DISC1: variants seen among roughly 807,000 people sequenced by gnomAD.
DISC1 encodes DISC1 scaffold protein, also known as disrupted in schizophrenia 1 protein.
A neutral mutation model predicts 84.5 loss-of-function variants in DISC1; 57 were observed. That is an observed-to-expected ratio of 0.67 (90% CI 0.55 to 0.84). DISC1 has a LOEUF of 0.84. DISC1 is among the 40% of genes least tolerant of loss of function. DISC1 has a pLI of 0.00. For synonymous variants in DISC1, 411 were observed against 415.2 expected (o/e 0.99, Z 0.12); for missense variants, 1,000 against 1,057.8 (o/e 0.95, Z 0.76).
At chr1:232,001,671 A>G (rs1666710832) in intron 10 of DISC1, among the ~76,000 whole-genome samples, 1 of 152,208 alleles carries the variant, frequency 6.6e-6, no homozygotes, top group Non-Finnish European at 1.5e-5. Context: ...AGCTGGAGCT[A>G]TTGAACATTC....
At chr1:231,906,172 G>T (rs565058813) in intron 9 of DISC1, among the ~76,000 whole-genome samples, 1 of 151,918 alleles carries the variant, frequency 6.6e-6, no homozygotes, top group Non-Finnish European at 1.5e-5. Flanking sequence ...ACAGACATGC[G>T]TTACCACGCC....
At chr1:231,918,336 CA>C (rs2089777181) in intron 9 of DISC1, among the ~76,000 whole-genome samples, 1 of 152,200 alleles carries the variant, frequency 6.6e-6, no homozygotes, top group South Asian at 2.1e-4. Context: ...TGTGAGATTA[CA>C]GAGGATAGAC....
chr1:231,702,079 C>T (rs1393521460), intron 3 of DISC1, 55 bp downstream of exon 3: 6 of 1,568,660 alleles, frequency 3.8e-6, no homozygotes, highest in South Asian at 2.4e-5. Flanking sequence ...ATTTTCTTTC[C>T]ATCTTTACTC....
At chr1:231,730,722 C>T (rs1298122550) in intron 3 of DISC1, among the ~76,000 whole-genome samples, 1 of 152,134 alleles carries the variant, frequency 6.6e-6, no homozygotes, top group Admixed American at 6.5e-5. Context: ...AAGAATTATT[C>T]TTTTAATTTC....
intron 6 of DISC1, among the ~76,000 whole-genome samples, chr1:231,781,397 G>C (rs1361665747): frequency 6.6e-6 from 1 of 151,964 alleles, no homozygotes; most frequent in African/African-American, 2.4e-5. Flanking sequence ...CTCTTTGGAG[G>C]CTTGTGATTT....
Position 231,913,618 on chromosome 1 carries a change from G to A in DISC1, c.1982-45210G>A, listed in dbSNP as rs370810172. Reference sequence around the variant, plus strand: ...TTTACAAGTGTCTTGGGGACCTCTCGTGCCTTGCCCTGGTTCTGGGCCTGC... The same window carrying A: ...TTTACAAGTGTCTTGGGGACCTCTCATGCCTTGCCCTGGTTCTGGGCCTGC... On this transcript the variant is annotated intron_variant, in intron 9 of 12. Transcript: ENST00000439617. 6.6e-5 allele frequency among the ~76,000 whole-genome samples: 10 copies of A among 152,136 alleles called. No homozygotes were observed. The East Asian group carries it at 1.5e-3, about 23-fold the overall frequency.
At chr1:231,748,293 T>C (rs1216244619) in intron 3 of DISC1, among the ~76,000 whole-genome samples, 1 of 152,202 alleles carries the variant, frequency 6.6e-6, no homozygotes. Context: ...CTGGTGACAG[T>C]TGGGCATCCT....
chr1:231,959,497 A>ATGCGCT, intron 10 of DISC1: 2 of 985,540 alleles, frequency 2.0e-6, no homozygotes, highest in Non-Finnish European at 2.4e-6. Context: ...AGAGTGGAAT[A>ATGCGCT]TGCGCTTTCT....
chr1:231,981,319 C>T (rs1023001375), intron 10 of DISC1, among the ~76,000 whole-genome samples: 1 of 152,096 alleles, frequency 6.6e-6, no homozygotes, highest in Non-Finnish European at 1.5e-5. Context: ...GTTGTCTATA[C>T]CAGTGGCATG....
In DISC1 at chr1:232,031,224, A is replaced by G. The variant is rs912018592; in HGVS notation, c.2425+4672A>G. 1.8e-5 allele frequency among the ~76,000 whole-genome samples: 2 copies of G among 110,822 alleles called. No individual in the cohort carries two copies. Among genetic ancestry groups the G allele is most frequent in the African/African-American group, 6.2e-5 (2 of 32,412 alleles). The allele number at this position is 110,822 out of a possible 152,430, so 72.7% of individuals were successfully genotyped here. ...GAGAGAGGAAGGAAGGAAGGGAGAA[A>G]GAGAGAGAGAAAGAGAGGAAGGAAG... On this transcript the variant is annotated intron_variant, in intron 12 of 12. Coordinates refer to ENST00000439617, the MANE Select transcript of DISC1 (RefSeq NM_018662.3). This position sits in a 1 kb window ranked among gnomAD's most constrained non-coding sequence, Gnocchi z 4.6.
rs559073584 is a variant in DISC1 at position 232,014,292 on chromosome 1, A to G, written c.2307+5243A>G. Among the ~76,000 whole-genome samples, 13 of 152,338 alleles carry G rather than the reference A, an allele frequency of 8.5e-5. No individual in the cohort carries two copies. In the East Asian group the frequency reaches 2.3e-3, roughly 27 times the overall value. Reference sequence around the variant, plus strand: ...AACTCACTTTGACTCTCCAAGGAGCACATCCCTAAATGTGTGATCTCTTGA... The same window carrying G: ...AACTCACTTTGACTCTCCAAGGAGCGCATCCCTAAATGTGTGATCTCTTGA... On this transcript the variant is annotated intron_variant, in intron 11 of 12. Coordinates refer to ENST00000439617, the MANE Select transcript of DISC1 (RefSeq NM_018662.3).
chr1:231,760,521 C>T (rs200062750), intron 4 of DISC1, among the ~76,000 whole-genome samples: 5 of 152,130 alleles, frequency 3.3e-5, no homozygotes, highest in South Asian at 4.1e-4. Context: ...CCCTCAGGAC[C>T]GCATTTTTCT....
chr1:231,695,450 G>A (rs2065537537), intron 2 of DISC1, among the ~76,000 whole-genome samples: 1 of 152,208 alleles, frequency 6.6e-6, no homozygotes, highest in Non-Finnish European at 1.5e-5. Context: ...CCAGTTATCT[G>A]AGAGGTGGGT....
At chr1:231,934,189 C>T (rs939477902) in intron 9 of DISC1, among the ~76,000 whole-genome samples, 1 of 152,200 alleles carries the variant, frequency 6.6e-6, no homozygotes, top group African/African-American at 2.4e-5. Flanking sequence ...GGCTTCCCAG[C>T]AGCGTTAGAC....
At chr1:231,903,921 CA>C (rs1305273700) in intron 9 of DISC1, among the ~76,000 whole-genome samples, 4 of 152,174 alleles carry the variant, frequency 2.6e-5, no homozygotes, top group Admixed American at 2.0e-4. Flanking sequence ...TTGCTGCAGT[CA>C]AGAGACTATA....
intron 10 of DISC1, among the ~76,000 whole-genome samples, chr1:231,978,114 C>T (rs991707037): frequency 2.0e-5 from 3 of 151,632 alleles, no homozygotes; most frequent in Non-Finnish European, 4.4e-5. Context: ...GTAGTTAGGT[C>T]TTGAGACTTG....
chr1:231,996,411 T>C (rs1025079551), intron 10 of DISC1, among the ~76,000 whole-genome samples: 3 of 152,226 alleles, frequency 2.0e-5, no homozygotes, highest in African/African-American at 7.2e-5. Flanking sequence ...CATGAAGTCC[T>C]TGCCCATGCC....
chr1:231,872,588 A>G (rs905830795), intron 9 of DISC1, among the ~76,000 whole-genome samples: 1 of 151,966 alleles, frequency 6.6e-6, no homozygotes, highest in South Asian at 2.1e-4. Context: ...TTTATTTTCC[A>G]TTTCTTTACC....
At chr1:231,875,767 A>G (rs76147035) in intron 9 of DISC1, among the ~76,000 whole-genome samples, 1,796 of 152,140 alleles carry the variant, frequency 0.012, 46 homozygotes, top group African/African-American at 0.041. Flanking sequence ...CTTCCTTCCA[A>G]CTTTCTCCTA....
Sources: gnomAD v4.1 joint callset for allele counts (sites outside exome capture counted in the v4.1 genomes callset) on GRCh38, gnomAD v4.1.1 for gene constraint, Gnocchi (gnomAD v3.1) non-coding constraint, MANE v1.5 for transcripts, NCBI Gene and HGNC (gene_info 2026-07-23, HGNC 2026-07-21) for gene names.